The following NEDD4 variants were observed in gnomAD, a reference collection of about 807,000 sequenced individuals.
The protein encoded by NEDD4 is NEDD4 E3 ubiquitin protein ligase.
In NEDD4, 99 loss-of-function variants were observed where a neutral mutation model predicts 144.9. That is an observed-to-expected ratio of 0.68 (90% confidence interval 0.58 to 0.81). The LOEUF (loss-of-function observed/expected upper bound fraction) is 0.81. Ranked by LOEUF, NEDD4 falls within the 30% of genes least tolerant of loss-of-function variation. The probability of loss-of-function intolerance (pLI) is 0.00; values close to 1 mark genes in which losing one functional copy is unlikely to be tolerated. For synonymous variants in NEDD4, 318 were observed against 350.6 expected (o/e 0.91, Z 1.04); for missense variants, 985 against 1,065.9 (o/e 0.92, Z 1.06).
rs539986946 is a variant in NEDD4, at chr15:55,937,506, T to C, written c.238-12807A>G. ...TATAATAAAATAGCAGAATTTCTAA[T>C]TGAAACAAATGTGTAGCCTGTGATC... On this transcript the variant is annotated intron_variant, in intron 4 of 28. Coordinates refer to ENST00000435532, the MANE Select transcript of NEDD4 (RefSeq NM_006154.4). Among the ~76,000 whole-genome samples, 3 of 152,334 alleles carry C rather than the reference T, an allele frequency of 2.0e-5. 1 individual carries two copies. In the South Asian group the frequency reaches 6.2e-4, roughly 32 times the overall value.
chr15:55,833,905 G>A (rs1487531384), intron 26 of NEDD4, 133 bp downstream of exon 26: 1 of 668,534 alleles, frequency 1.5e-6, no homozygotes, highest in East Asian at 2.7e-5. Context: ...TAAAATCAAA[G>A]ATAATTTTTT....
intron 1 of NEDD4, among the ~76,000 whole-genome samples, chr15:55,970,808 A>C (rs2037594024): frequency 6.6e-6 from 1 of 152,204 alleles, no homozygotes. Flanking sequence ...AAGCCTTCTC[A>C]AGAAGGATGG....
chr15:55,874,454 G>A (rs188013851), intron 5 of NEDD4, among the ~76,000 whole-genome samples: 233 of 152,146 alleles, frequency 1.5e-3, no homozygotes, highest in African/African-American at 5.3e-3. Flanking sequence ...GCCTAGTTTG[G>A]GGTTGACAGC....
chr15:55,990,596 A>G, intron 1 of NEDD4, among the ~76,000 whole-genome samples: 2 of 152,202 alleles, frequency 1.3e-5, no homozygotes, highest in Non-Finnish European at 2.9e-5. Flanking sequence ...AAACAAAACA[A>G]TATGCTCCAC....
intron 19 of NEDD4, 104 bp from the exon 20 acceptor site, chr15:55,840,831 C>A (rs2033470188): frequency 9.5e-7 from 1 of 1,048,322 alleles, no homozygotes; most frequent in South Asian, 1.7e-5. Flanking sequence ...ACTGTTAGAA[C>A]CACATTCCTC....
At chr15:55,856,079 G>C (rs763442523) in intron 12 of NEDD4, 52 bp downstream of exon 12, 70 of 1,489,820 alleles carry the variant, frequency 4.7e-5, no homozygotes, top group Non-Finnish European at 6.2e-5. Context: ...AAAATAAAAA[G>C]AGATGCTGAG....
At chr15:55,839,992 AAAAAAAAATATATATATATATATATAT>A (rs1196454770) in intron 21 of NEDD4, among the ~76,000 whole-genome samples, 7,222 of 58,120 alleles carry the variant, frequency 0.12, 680 homozygotes, top group Non-Finnish European at 0.16. Context: ...AAAAAAAAAA[AAAAAAAAATATATATATATATATATAT>A]ATATATATAT....
chr15:55,926,240 AT>A (rs2036663131), intron 4 of NEDD4, among the ~76,000 whole-genome samples: 1 of 152,146 alleles, frequency 6.6e-6, no homozygotes, highest in Admixed American at 6.5e-5. Flanking sequence ...CTAGAAATGT[AT>A]CCCTTGTACC....
At chr15:55,867,199 C>T (rs2034615110) in intron 8 of NEDD4, among the ~76,000 whole-genome samples, 1 of 152,138 alleles carries the variant, frequency 6.6e-6, no homozygotes, top group African/African-American at 2.4e-5. Context: ...TTTATATATA[C>T]AGTCACAAAC....
At chr15:55,922,261 C>T (rs1293819731) in intron 5 of NEDD4, among the ~76,000 whole-genome samples, 1 of 152,140 alleles carries the variant, frequency 6.6e-6, no homozygotes, top group Non-Finnish European at 1.5e-5. Context: ...TGTGTAATCA[C>T]AGATCTCACA....
At chr15:55,963,141 T>A (rs545282439) in intron 2 of NEDD4, among the ~76,000 whole-genome samples, 138 of 139,530 alleles carry the variant, frequency 9.9e-4, no homozygotes, top group Admixed American at 1.9e-3. Flanking sequence ...TTTTATTTTT[T>A]TTTTTTTTGA....
intron 26 of NEDD4, among the ~76,000 whole-genome samples, chr15:55,833,833 C>A (rs1206076772): frequency 4.6e-5 from 7 of 152,194 alleles, no homozygotes; most frequent in Admixed American, 1.3e-4. Flanking sequence ...CCACTTACTA[C>A]CTTCTGAACA....
intron 5 of NEDD4, among the ~76,000 whole-genome samples, chr15:55,884,179 C>T (rs2035304474): frequency 6.6e-6 from 1 of 152,118 alleles, no homozygotes; most frequent in Admixed American, 6.5e-5. Flanking sequence ...CATGCCTGGT[C>T]CCAAGGTGGT....
chr15:55,922,592 A>G (rs946353677), intron 5 of NEDD4, among the ~76,000 whole-genome samples: 1 of 152,146 alleles, frequency 6.6e-6, no homozygotes, highest in Non-Finnish European at 1.5e-5. Flanking sequence ...TGAACTCCTG[A>G]CCTCAGGTGA....
At chr15:55,904,982 C>T (rs1201753377) in intron 5 of NEDD4, among the ~76,000 whole-genome samples, 1 of 151,720 alleles carries the variant, frequency 6.6e-6, no homozygotes, top group Non-Finnish European at 1.5e-5. Flanking sequence ...ATCCCAGCTA[C>T]TCAGGAGGCT....
chr15:55,901,596 T>C (rs753767487), intron 5 of NEDD4, among the ~76,000 whole-genome samples: 1 of 152,172 alleles, frequency 6.6e-6, no homozygotes, highest in Non-Finnish European at 1.5e-5. Context: ...ATCTTTGCTT[T>C]GGTTTCTTAT....
chr15:55,845,801 T>TC (rs1417197085), intron 18 of NEDD4, among the ~76,000 whole-genome samples: 236 of 150,936 alleles, frequency 1.6e-3, no homozygotes, highest in African/African-American at 5.4e-3. Flanking sequence ...CTTTTTTCTT[T>TC]TTTTTTTTTT....
rs1484041097 is a variant in NEDD4 at position 55,885,120 on chromosome 15, TA to T, written c.292-11113del. ...GAAGCAGACTTTTCAGTGGAAACCT[TA>T]TTACCTTGGAGATAGTGGCATGACA... On this transcript the variant is annotated intron_variant, in intron 5 of 28. Transcript: ENST00000435532. Among the ~76,000 whole-genome samples, 3 of 152,300 alleles carry T rather than the reference TA, an allele frequency of 2.0e-5. No homozygotes were observed. The East Asian group carries it at 5.8e-4, about 29-fold the overall frequency.
chr15:55,964,302 G>C (rs1235829249), intron 2 of NEDD4, among the ~76,000 whole-genome samples: 11 of 151,998 alleles, frequency 7.2e-5, no homozygotes, highest in African/African-American at 2.4e-4. Flanking sequence ...TGTTGTTGTT[G>C]TTGTTGTTTT....
Sources: gnomAD v4.1 joint callset for allele counts (sites outside exome capture counted in the v4.1 genomes callset) on GRCh38, gnomAD v4.1.1 for gene constraint, MANE v1.5 for transcripts, NCBI Gene and HGNC (gene_info 2026-07-23, HGNC 2026-07-21) for gene names.